The following ELAPOR2 variants were observed in gnomAD, a reference collection of about 807,000 sequenced individuals.
ELAPOR2 encodes endosome/lysosome-associated apoptosis and autophagy regulator family member 2.
A neutral mutation model predicts 120.7 loss-of-function variants in ELAPOR2; 89 were observed. That is an observed-to-expected ratio of 0.74 (90% CI 0.62 to 0.88). ELAPOR2 has a LOEUF of 0.88. Ranked by LOEUF, ELAPOR2 falls within the 40% of genes least tolerant of loss-of-function variation. The probability of loss-of-function intolerance (pLI) is 0.00; values close to 1 mark genes in which losing one functional copy is unlikely to be tolerated. For synonymous variants in ELAPOR2, 444 were observed against 444.9 expected, an observed-to-expected ratio of 1.00 and a Z score of 0.03; for missense variants, 1,134 against 1,251.6, an observed-to-expected ratio of 0.91 and a Z score of 1.42.
intron 1 of ELAPOR2, among the ~76,000 whole-genome samples, chr7:87,000,257 G>A (rs1793271498): frequency 6.6e-6 from 1 of 152,084 alleles, no homozygotes; most frequent in Non-Finnish European, 1.5e-5. Flanking sequence ...CACATCCAAG[G>A]TAATTGCAGT....
Position 86,919,820 on chromosome 7 carries a change from G to T in ELAPOR2, c.1400-510C>A. 1.3e-5 allele frequency: 2 copies of T among 152,652 alleles called. 1 individual carries two copies. 9.5% of individuals were successfully genotyped at this position (152,652 alleles called of 1,614,324 possible). On this transcript the variant is annotated intron_variant, in intron 10 of 21. Coordinates refer to ENST00000450689, the MANE Select transcript of ELAPOR2 (RefSeq NM_001142749.3). The stretch of plus-strand genomic sequence containing the variant: ...ACTATGACATGCACTGGGATAGGAA[G>T]GTAAGACAAAGTCCCCCTCACTGAG...
At chr7:86,912,854 G>C in intron 14 of ELAPOR2, 87 bp downstream of exon 14, 1 of 1,454,762 alleles carries the variant, frequency 6.9e-7, no homozygotes, top group Non-Finnish European at 9.4e-7. Flanking sequence ...CAACCTCATA[G>C]CTCCCAGAGA....
intron 18 of ELAPOR2, among the ~76,000 whole-genome samples, chr7:86,904,274 C>A (rs916115908): frequency 6.6e-6 from 1 of 152,054 alleles, no homozygotes; most frequent in African/African-American, 2.4e-5. Context: ...TTAAAAGAAC[C>A]CTTTGGACAC....
At chr7:86,938,356 A>G in intron 7 of ELAPOR2, 142 bp from the exon 8 acceptor site, 1 of 605,148 alleles carries the variant, frequency 1.7e-6, no homozygotes, top group South Asian at 2.0e-5. Context: ...CTAGGTCTAA[A>G]GAAAATAAAT....
At chr7:87,031,235 C>A (rs921287579) in intron 1 of ELAPOR2, among the ~76,000 whole-genome samples, 5 of 152,116 alleles carry the variant, frequency 3.3e-5, no homozygotes, top group African/African-American at 1.2e-4. Flanking sequence ...AAATTTAACT[C>A]CTCTCAGTTT....
chr7:86,980,487 G>A (rs1413172596), intron 1 of ELAPOR2, among the ~76,000 whole-genome samples: 1 of 152,106 alleles, frequency 6.6e-6, no homozygotes, highest in Admixed American at 6.5e-5. Context: ...TCCCTAGTCA[G>A]TTCACCTTCC....
At chr7:87,029,642 A>G (rs1794363992) in intron 1 of ELAPOR2, among the ~76,000 whole-genome samples, 1 of 152,230 alleles carries the variant, frequency 6.6e-6, no homozygotes, top group African/African-American at 2.4e-5. Context: ...TAAATAATGT[A>G]ACAATGGTTT....
intron 21 of ELAPOR2, among the ~76,000 whole-genome samples, chr7:86,885,949 AG>A (rs1389892991): frequency 2.6e-5 from 4 of 152,162 alleles, no homozygotes; most frequent in African/African-American, 9.6e-5. Flanking sequence ...AGGATACCCC[AG>A]GAGTTTCCAA....
chr7:86,978,001 C>T (rs1375928243), intron 1 of ELAPOR2, among the ~76,000 whole-genome samples: 1 of 152,156 alleles, frequency 6.6e-6, no homozygotes, highest in Non-Finnish European at 1.5e-5. Flanking sequence ...ATGGTCACTT[C>T]CTGATATGGT....
chr7:86,930,254 A>G (rs963696677), intron 8 of ELAPOR2, among the ~76,000 whole-genome samples: 2 of 151,988 alleles, frequency 1.3e-5, no homozygotes, highest in African/African-American at 4.8e-5. Context: ...TATGAGAACT[A>G]TATCTCAATA....
intron 1 of ELAPOR2, among the ~76,000 whole-genome samples, chr7:87,003,516 T>C (rs1554403788): frequency 1.3e-5 from 2 of 152,166 alleles, no homozygotes; most frequent in Non-Finnish European, 2.9e-5. Context: ...TCTCTCCTGC[T>C]GGCCATGTGA....
chr7:86,988,547 T>A lies in ELAPOR2; in HGVS notation c.190-23523A>T, dbSNP rs186012799. On this transcript the variant is annotated intron_variant, in intron 1 of 21. Transcript: ENST00000450689. ...TCATTTTATAGAAGGGACTTGAGCA[T>A]TGGAGGATATTGGTATCTACTAGGG... is the stretch of plus-strand genomic sequence containing the variant. Among the ~76,000 whole-genome samples, 18 of 152,292 alleles carry A rather than the reference T, an allele frequency of 1.2e-4. No individual in the cohort carries two copies. The East Asian group carries it at 3.1e-3, about 26-fold the overall frequency.
Position 86,926,922 on chromosome 7 carries a change from A to T in ELAPOR2, c.1090-6T>A. 1.2e-6 allele frequency: 1 copy of T among 841,142 alleles called. No homozygotes were observed. Among genetic ancestry groups the T allele is most frequent in the Non-Finnish European group, 1.6e-6 (1 of 622,924 alleles). 52.1% of individuals were successfully genotyped at this position (841,142 alleles called of 1,614,324 possible). On this transcript the variant is annotated splice_region_variant and splice_polypyrimidine_tract_variant and intron_variant, in intron 8 of 21. Transcript: ENST00000450689. ...CACTTGTACATTATCTGTGTCTACA[A>T]AAAAAAAAAAAAAAAAAAAGCAACC...
intron 1 of ELAPOR2, among the ~76,000 whole-genome samples, chr7:86,984,818 C>G (rs1583949402): frequency 6.6e-6 from 1 of 152,040 alleles, no homozygotes; most frequent in East Asian, 1.9e-4. Flanking sequence ...TAGCAAAAGG[C>G]AAGAAATAAC....
At chr7:86,905,070 A>AGAAGGAAGGAAGGAAG (rs201126011) in intron 18 of ELAPOR2, among the ~76,000 whole-genome samples, 2,410 of 98,124 alleles carry the variant, frequency 0.025, 78 homozygotes, top group East Asian at 0.098. Context: ...ACAGAGAGAG[A>AGAAGGAAGGAAGGAAG]GAAGGAAGGA....
chr7:86,895,591 A>G (rs1416504529), intron 19 of ELAPOR2, among the ~76,000 whole-genome samples: 1 of 152,150 alleles, frequency 6.6e-6, no homozygotes, highest in Admixed American at 6.6e-5. Context: ...CAAATACTAA[A>G]GAATCACACA....
rs80143001 is a variant in ELAPOR2 at position 86,973,224 on chromosome 7, A to C, written c.190-8200T>G. Among the ~76,000 whole-genome samples, 10 of 152,302 alleles carry C rather than the reference A, an allele frequency of 6.6e-5. No individual in the cohort carries two copies. The East Asian group carries it at 1.9e-3, about 29-fold the overall frequency. ...TACCATTGGCCTGAGGATAAAGTCTACAATCTTGGATTGCATAAAATGCCT... is the reference window on the plus strand; with the variant it reads ...TACCATTGGCCTGAGGATAAAGTCTCCAATCTTGGATTGCATAAAATGCCT... On this transcript the variant is annotated intron_variant, in intron 1 of 21. Transcript: ENST00000450689.
intron 1 of ELAPOR2, among the ~76,000 whole-genome samples, chr7:87,038,529 CAT>C (rs543606400): frequency 7.2e-5 from 11 of 152,198 alleles, no homozygotes; most frequent in South Asian, 6.2e-4. Context: ...AAGAAATGCA[CAT>C]GTTAGGTCAC....
intron 1 of ELAPOR2, among the ~76,000 whole-genome samples, chr7:87,054,781 T>C (rs1376634119): frequency 6.6e-6 from 1 of 152,210 alleles, no homozygotes; most frequent in Non-Finnish European, 1.5e-5. Flanking sequence ...CACCATCCCA[T>C]AGGAAACACT....
Sources: gnomAD v4.1 joint callset for allele counts (sites outside exome capture counted in the v4.1 genomes callset) on GRCh38, gnomAD v4.1.1 for gene constraint, MANE v1.5 for transcripts, NCBI Gene and HGNC (gene_info 2026-07-23, HGNC 2026-07-21) for gene names.